ZC3HAV1: variants seen among roughly 807,000 people sequenced by gnomAD.
ZC3HAV1 encodes the protein zinc finger CCCH-type containing, antiviral 1.
A neutral mutation model predicts 86.6 loss-of-function variants in ZC3HAV1; 41 were observed. That is an observed-to-expected ratio of 0.47 (90% CI 0.37 to 0.61). ZC3HAV1 has a LOEUF of 0.61. Ranked by LOEUF, ZC3HAV1 falls within the 20% of genes least tolerant of loss-of-function variation. The probability of loss-of-function intolerance (pLI) is 0.00; values close to 1 mark genes in which losing one functional copy is unlikely to be tolerated. For synonymous variants in ZC3HAV1, 421 were observed against 432.1 expected (o/e 0.97, Z 0.32); for missense variants, 964 against 1,141.1 (o/e 0.84, Z 2.24).
At chr7:139,097,428 A>ATTTTTTTTTTTTTTTTTT (rs11291842) in intron 1 of ZC3HAV1, among the ~76,000 whole-genome samples, 4 of 48,158 alleles carry the variant, frequency 8.3e-5, no homozygotes, top group African/African-American at 1.1e-4. Flanking sequence ...ATATATATAT[A>ATTTTTTTTTTTTTTTTTT]TTTTTTTTTT....
In ZC3HAV1 at chr7:139,109,035, C is replaced by T; in HGVS notation, c.297G>A (p.Ser99=). 6.4e-7 allele frequency: 1 copy of T among 1,568,276 alleles called. No individual in the cohort carries two copies. The highest frequency in any genetic ancestry group is 8.7e-7 in the Non-Finnish European group (1 of 1,152,534). Residue 99 remains serine (S), a synonymous_variant, in exon 1 of 13, where the codon TCG becomes TCA. Transcript: ENST00000242351. ...KLNLLGRCNY[S]QSERNLCKYS... ...CCGGGTGCACTCACCGCTCGGACTG[C>T]GAATAGTTGCACCGGCCCAGCAAGT...
intron 9 of ZC3HAV1, among the ~76,000 whole-genome samples, chr7:139,056,097 A>G (rs1163972194): frequency 6.6e-6 from 1 of 152,190 alleles, no homozygotes; most frequent in East Asian, 1.9e-4. Context: ...TCAGTTCCCT[A>G]AATCTAATGA....
intron 2 of ZC3HAV1, among the ~76,000 whole-genome samples, chr7:139,088,397 T>A (rs1425062957): frequency 6.6e-6 from 1 of 152,188 alleles, no homozygotes; most frequent in Non-Finnish European, 1.5e-5. Flanking sequence ...CTGGTCAATG[T>A]GATTGAGCAG....
At chr7:139,093,739 G>A (rs568275018) in intron 1 of ZC3HAV1, among the ~76,000 whole-genome samples, 5 of 152,192 alleles carry the variant, frequency 3.3e-5, no homozygotes, top group East Asian at 1.9e-4. Context: ...GACTCAGCCC[G>A]CCTGCATCCA....
chr7:139,060,344 T>G, intron 9 of ZC3HAV1: 1 of 985,480 alleles, frequency 1.0e-6, no homozygotes, highest in Non-Finnish European at 1.2e-6. Context: ...AAAATGTTCA[T>G]GAACAATGTA....
chr7:139,050,273 T>G (rs1200508800), intron 12 of ZC3HAV1, among the ~76,000 whole-genome samples: 1 of 152,204 alleles, frequency 6.6e-6, no homozygotes, highest in Non-Finnish European at 1.5e-5. Flanking sequence ...TTTTTTTATA[T>G]CACACTTATA....
chr7:139,103,613 C>T (rs1327426790), intron 1 of ZC3HAV1, among the ~76,000 whole-genome samples: 1 of 152,164 alleles, frequency 6.6e-6, no homozygotes, highest in Non-Finnish European at 1.5e-5. Flanking sequence ...TTCAAACCAA[C>T]AATTCCACTT....
In ZC3HAV1 at chr7:139,047,464, G is replaced by T; in HGVS notation, c.*130C>A. On this transcript the variant is annotated 3_prime_UTR_variant, in exon 13 of 13. Coordinates refer to ENST00000242351, the MANE Select transcript of ZC3HAV1 (RefSeq NM_020119.4). ...TGATTCTAATATGTAGCAAAATTTGGGGACCACTGATCTAAGACATTAGAT... is the reference window on the plus strand; with the variant it reads ...TGATTCTAATATGTAGCAAAATTTGTGGACCACTGATCTAAGACATTAGAT... 1 of 1,313,482 alleles carries T rather than the reference G, an allele frequency of 7.6e-7. No individual in the cohort carries two copies. Among genetic ancestry groups the T allele is most frequent in the Non-Finnish European group, 1.0e-6 (1 of 956,646 alleles). 81.4% of individuals were successfully genotyped at this position (1,313,482 alleles called of 1,614,324 possible). A position where few individuals can be genotyped will look rare whatever the true frequency, so the allele number is the denominator to read the frequency against.
intron 9 of ZC3HAV1, among the ~76,000 whole-genome samples, chr7:139,057,696 G>A (rs1311938465): frequency 1.3e-5 from 1 of 79,268 alleles, no homozygotes; most frequent in Non-Finnish European, 2.4e-5. Context: ...CCGCCACCAC[G>A]CCCGGCTAAT....
chr7:139,051,446 G>T (rs1046398225), intron 12 of ZC3HAV1, among the ~76,000 whole-genome samples: 5 of 142,178 alleles, frequency 3.5e-5, no homozygotes, highest in African/African-American at 1.3e-4. Flanking sequence ...TTGCTCTGTC[G>T]CCCAGGCTAG....
chr7:139,072,263 G>A (rs1388944989), intron 7 of ZC3HAV1, among the ~76,000 whole-genome samples: 2 of 151,572 alleles, frequency 1.3e-5, no homozygotes, highest in Admixed American at 6.6e-5. Flanking sequence ...TCGGCTCACT[G>A]CAACCTCTGC....
Position 139,078,574 on chromosome 7 carries a change from C to T in ZC3HAV1, c.1551G>A (p.Leu517=), listed in dbSNP as rs1817025716. 6.3e-7 allele frequency: 1 copy of T among 1,593,884 alleles called. No individual in the cohort carries two copies. Among genetic ancestry groups the T allele is most frequent in the Admixed American group, 1.9e-5 (1 of 53,418 alleles). Residue 517 remains leucine (L), a synonymous_variant, in exon 5 of 13, where the codon CTG becomes CTA. Coordinates refer to ENST00000242351, the MANE Select transcript of ZC3HAV1 (RefSeq NM_020119.4). ...CACCATTAAGCGGACAACCCTTACACAGATGGTCAAGACAAATTTCCTCTG... is the reference window on the plus strand; with the variant it reads ...CACCATTAAGCGGACAACCCTTACATAGATGGTCAAGACAAATTTCCTCTG... ...HDSEEICLDH[L]CKGCPLNGSC...
Position 139,076,332 on chromosome 7 carries a change from G to A in ZC3HAV1, c.1651C>T (p.His551Tyr). Reference sequence around the variant, plus strand: ...TAGCCTTTCTCGATCGTCTCCATGTGCTCAAAGTCCGTCCAGGTTTTACCA... The same window carrying A: ...TAGCCTTTCTCGATCGTCTCCATGTACTCAAAGTCCGTCCAGGTTTTACCA... The part of the protein sequence containing the change: ...LIGKTWTDFE[H>Y]METIEKGYCN... Residue 551 changes from histidine to tyrosine, a missense_variant, in exon 6 of 13, where the codon CAC becomes TAC. Physicochemically the swap from His to Tyr is moderately conservative, Grantham distance 83. Transcript: ENST00000242351. 6.2e-7 allele frequency: 1 copy of A among 1,614,146 alleles called. No homozygotes were observed. Among genetic ancestry groups the A allele is most frequent in the South Asian group, 1.1e-5 (1 of 91,076 alleles).
At chr7:139,088,342 C>T (rs1438540569) in intron 2 of ZC3HAV1, among the ~76,000 whole-genome samples, 1 of 152,236 alleles carries the variant, frequency 6.6e-6, no homozygotes, top group East Asian at 1.9e-4. Flanking sequence ...ACAGAAACTA[C>T]ATTTCCCAGA....
At chr7:139,107,739 G>T (rs1817976850) in intron 1 of ZC3HAV1, among the ~76,000 whole-genome samples, 2 of 152,204 alleles carry the variant, frequency 1.3e-5, no homozygotes, top group East Asian at 1.9e-4. Context: ...GGAGGTGGAG[G>T]TTGCAGTGAA....
At chr7:139,078,782 G>T in intron 4 of ZC3HAV1, 129 bp from the exon 5 acceptor site, 1 of 791,034 alleles carries the variant, frequency 1.3e-6, no homozygotes, top group Non-Finnish European at 1.9e-6. Context: ...TATGATTTAT[G>T]TTTTGCCCAT....
chr7:139,100,862 C>T (rs539475794), intron 1 of ZC3HAV1, among the ~76,000 whole-genome samples: 1 of 146,614 alleles, frequency 6.8e-6, no homozygotes, highest in South Asian at 2.1e-4. Context: ...CTCCCTCTCC[C>T]TCTCTTTCCA....
chr7:139,107,246 G>C (rs947851093), intron 1 of ZC3HAV1, among the ~76,000 whole-genome samples: 2 of 152,066 alleles, frequency 1.3e-5, no homozygotes, highest in Non-Finnish European at 1.5e-5. Context: ...TGATTTCCTC[G>C]ATACCCATAA....
At chr7:139,093,641 C>T (rs565886603) in intron 1 of ZC3HAV1, among the ~76,000 whole-genome samples, 1 of 152,320 alleles carries the variant, frequency 6.6e-6, no homozygotes, top group Admixed American at 6.5e-5. Context: ...CGCCAGAGAA[C>T]AACCCCCTTT....
Sources: allele counts gnomAD v4.1 joint callset (sites outside exome capture counted in the v4.1 genomes callset), GRCh38; gene constraint gnomAD v4.1.1; transcripts MANE v1.5; gene names NCBI Gene and HGNC (gene_info 2026-07-23, HGNC 2026-07-21).